CAPZA2: variants seen among roughly 807,000 people sequenced by gnomAD.
The protein encoded by CAPZA2 is capping actin protein of muscle Z-line subunit alpha 2.
Under a neutral mutation model 44.0 loss-of-function variants are expected in CAPZA2, and 13 were observed. That is an observed-to-expected ratio of 0.30 (90% CI 0.19 to 0.47). The LOEUF is 0.47. Among genes scored for constraint, CAPZA2 ranks in the 20% least tolerant of loss-of-function variants. CAPZA2 has a pLI of 1.00. For missense variants in CAPZA2, 244 were observed against 338.6 expected (o/e 0.72, Z 2.19); for synonymous variants, 94 against 108.2 (o/e 0.87, Z 0.81).
intron 1 of CAPZA2, among the ~76,000 whole-genome samples, chr7:116,869,173 A>G (rs552516190): frequency 1.3e-5 from 2 of 152,374 alleles, no homozygotes; most frequent in Admixed American, 1.3e-4. Context: ...TATTATAGCA[A>G]TAATTTGTTA....
Position 116,917,882 on chromosome 7 carries a change from G to T in CAPZA2, c.*15G>T. On this transcript the variant is annotated 3_prime_UTR_variant, in exon 10 of 10. Coordinates refer to ENST00000361183, the MANE Select transcript of CAPZA2 (RefSeq NM_006136.3). ...AGAATGCATAAGATGAACATTGCAT[G>T]ACCGGATCATTTTAGTGTCTTTGCG... 1 of 1,606,772 alleles carries T rather than the reference G, an allele frequency of 6.2e-7. No individual in the cohort carries two copies. The highest frequency in any genetic ancestry group is 1.1e-5 in the South Asian group (1 of 90,886).
chr7:116,913,879 T>A (rs965301935), intron 8 of CAPZA2, among the ~76,000 whole-genome samples: 2 of 151,110 alleles, frequency 1.3e-5, no homozygotes, highest in Admixed American at 6.6e-5. Flanking sequence ...CTCCAAAAGT[T>A]TGGCTTTTGG....
Position 116,893,031 on chromosome 7 carries a change from G to A in CAPZA2, c.141G>A (p.Arg47=). ...RLLLNNDNLL[R]EGAAHAFAQY... ...TGCTTAATAATGACAATCTTCTCAG[G>A]GAAGGAGCAGCCCAGTAAGTATTAT... is the stretch of plus-strand genomic sequence containing the variant. Residue 47 remains arginine (R), a synonymous_variant, in exon 3 of 10, where the codon AGG becomes AGA. Coordinates refer to ENST00000361183, the MANE Select transcript of CAPZA2 (RefSeq NM_006136.3). 6.3e-7 allele frequency: 1 copy of A among 1,596,862 alleles called. No homozygotes were observed. Among genetic ancestry groups the A allele is most frequent in the Non-Finnish European group, 8.6e-7 (1 of 1,168,426 alleles).
chr7:116,885,224 C>T (rs908433417), intron 1 of CAPZA2, among the ~76,000 whole-genome samples: 6 of 151,694 alleles, frequency 4.0e-5, no homozygotes, highest in African/African-American at 1.5e-4. Flanking sequence ...GCAGGTTTTA[C>T]ATTTTGAATA....
At chr7:116,877,746 T>G (rs1281252776) in intron 1 of CAPZA2, among the ~76,000 whole-genome samples, 1 of 152,244 alleles carries the variant, frequency 6.6e-6, no homozygotes, top group African/African-American at 2.4e-5. Flanking sequence ...TAGAAGAGCC[T>G]TATATATCAT....
intron 3 of CAPZA2, among the ~76,000 whole-genome samples, chr7:116,896,536 T>C (rs1796931135): frequency 6.6e-6 from 1 of 152,136 alleles, no homozygotes; most frequent in Non-Finnish European, 1.5e-5. Context: ...GAGGTGGTTT[T>C]TGAGCTGTTT....
chr7:116,879,589 T>C (rs1796665146), intron 1 of CAPZA2, among the ~76,000 whole-genome samples: 1 of 152,064 alleles, frequency 6.6e-6, no homozygotes, highest in Admixed American at 6.5e-5. Context: ...CATACACAGT[T>C]CACAATAGGG....
intron 1 of CAPZA2, among the ~76,000 whole-genome samples, chr7:116,870,948 G>T (rs1796547126): frequency 6.6e-6 from 1 of 152,192 alleles, no homozygotes; most frequent in Non-Finnish European, 1.5e-5. Flanking sequence ...GGTGAATTTA[G>T]TTTTGGTTGT....
intron 1 of CAPZA2, chr7:116,875,949 T>G (rs945211611): frequency 2.6e-5 from 4 of 152,102 alleles, no homozygotes; most frequent in African/African-American, 9.7e-5. Flanking sequence ...CAATAAAAAT[T>G]CAGTTACATA....
In CAPZA2 at chr7:116,910,273, C is replaced by G. The variant is rs751929640; in HGVS notation, c.547C>G (p.Pro183Ala). The change falls in exon 7 of 10, where the codon CCT becomes GCT. Residue 183 changes from proline (P) to alanine (A), a missense_variant. By Grantham distance (27) the Pro-to-Ala change is conservative. Coordinates refer to ENST00000361183, the MANE Select transcript of CAPZA2 (RefSeq NM_006136.3). Reference sequence around the variant, plus strand: ...GTCAGAATGGAAGTTTACAATCACTCCTTCAACCACTCAAGTGGTTGGCAT... The same window carrying G: ...GTCAGAATGGAAGTTTACAATCACTGCTTCAACCACTCAAGTGGTTGGCAT... The part of the protein sequence containing the change: ...WRSEWKFTIT[P>A]STTQVVGILK... The G allele has an allele frequency of 3.1e-6, 5 of 1,601,204 alleles. No homozygotes were observed. The South Asian group carries it at 5.5e-5, about 18-fold the overall frequency.
intron 3 of CAPZA2, among the ~76,000 whole-genome samples, chr7:116,895,313 A>C (rs1796910164): frequency 6.6e-6 from 1 of 152,038 alleles, no homozygotes; most frequent in South Asian, 2.1e-4. Context: ...CATTTGACTC[A>C]AGATACGTGA....
chr7:116,908,082 G>A (rs1342043996), intron 6 of CAPZA2, among the ~76,000 whole-genome samples: 4 of 149,226 alleles, frequency 2.7e-5, no homozygotes, highest in Admixed American at 6.8e-5. Context: ...AACATAGTAC[G>A]ACCCCATCTC....
At chr7:116,898,672 A>G (rs1228614843) in intron 3 of CAPZA2, 100 bp from the exon 4 acceptor site, 8 of 657,586 alleles carry the variant, frequency 1.2e-5, no homozygotes, top group South Asian at 5.9e-5. Context: ...GCAGTGTGCA[A>G]TGTAGGAGGA....
chr7:116,871,207 G>T (rs1337733304), intron 1 of CAPZA2, among the ~76,000 whole-genome samples: 1 of 152,196 alleles, frequency 6.6e-6, no homozygotes, highest in Non-Finnish European at 1.5e-5. Context: ...AGACCTAAAG[G>T]TGAGGAGAAA....
intron 3 of CAPZA2, among the ~76,000 whole-genome samples, chr7:116,893,717 A>G (rs554796982): frequency 1.3e-4 from 20 of 152,176 alleles, no homozygotes; most frequent in Non-Finnish European, 2.8e-4. Context: ...AGCTTTTGAG[A>G]GCTTTTAAAG....
chr7:116,903,233 A>AGAGT lies in CAPZA2; in HGVS notation c.220-943_220-942insAGTG, dbSNP rs372696249. Among the ~76,000 whole-genome samples the AGAGT allele has an allele frequency of 5.5e-3, 800 of 146,436 alleles. 11 individuals are homozygous for AGAGT. Among genetic ancestry groups the AGAGT allele is most frequent in the African/African-American group, 0.017 (665 of 40,048 alleles). Reference sequence around the variant, plus strand: ...TTGAAAGAAGCCAGATGCAGAGAAGAGTGTGTGTGTGTGTGTGTGTGTGTG... The same window carrying AGAGT: ...TTGAAAGAAGCCAGATGCAGAGAAGAGAGTGTGTGTGTGTGTGTGTGTGTGTGTG... On this transcript the variant is annotated intron_variant, in intron 4 of 9. Coordinates refer to ENST00000361183, the MANE Select transcript of CAPZA2 (RefSeq NM_006136.3).
At chr7:116,874,002 G>A (rs929406594) in intron 1 of CAPZA2, 2 of 152,632 alleles carry the variant, frequency 1.3e-5, no homozygotes, top group South Asian at 2.1e-4. Flanking sequence ...AGCAATGTAG[G>A]TGTAAGATTG....
intron 7 of CAPZA2, 97 bp downstream of exon 7, chr7:116,910,408 T>C (rs1791575560): frequency 3.1e-6 from 2 of 652,060 alleles, no homozygotes; most frequent in Non-Finnish European, 5.5e-6. Context: ...CATACACATT[T>C]CTTTTTCAGG....
chr7:116,884,071 A>T (rs1796732010), intron 1 of CAPZA2, among the ~76,000 whole-genome samples: 1 of 152,174 alleles, frequency 6.6e-6, no homozygotes, highest in South Asian at 2.1e-4. Flanking sequence ...GAAAGGGGAT[A>T]AGGAAATGAA....
Sources: allele counts gnomAD v4.1 joint callset (sites outside exome capture counted in the v4.1 genomes callset), GRCh38; gene constraint gnomAD v4.1.1; transcripts MANE v1.5; gene names NCBI Gene and HGNC (gene_info 2026-07-23, HGNC 2026-07-21).